Variants in HTR1F observed in about 807,000 individuals in gnomAD.
HTR1F encodes the protein 5-hydroxytryptamine receptor 1F, also known as 5-hydroxytryptamine (serotonin) receptor 1F, G protein-coupled.
HTR1F carries 17 observed loss-of-function variants against 24.0 expected under a neutral mutation model. That is an observed-to-expected ratio of 0.71 (90% CI 0.48 to 1.06). The LOEUF is 1.06. Ranked by LOEUF, HTR1F falls within the 50% of genes least tolerant of loss-of-function variation. HTR1F has a pLI of 0.00. For missense variants in HTR1F, 391 were observed against 427.8 expected (o/e 0.91, Z 0.76); for synonymous variants, 186 against 156.8 (o/e 1.19, Z -1.39).
At position 87,986,043 on chromosome 3, in the gene HTR1F, A is replaced by T. The variant is rs182463686; in HGVS notation, c.-42-4665A>T. Among the ~76,000 whole-genome samples the T allele has an allele frequency of 1.6e-3, 248 of 152,230 alleles. No homozygotes were observed. The South Asian group carries it at 0.017, about 11-fold the overall frequency. On this transcript the variant is annotated intron_variant, in intron 2 of 2. Coordinates refer to ENST00000319595, the MANE Select transcript of HTR1F (RefSeq NM_001322209.2). ...AGGCTCTACTTACAGACTAATCTTG[A>T]TTTTTTTCCCAGTGAAGACATTCAA... is the stretch of plus-strand genomic sequence containing the variant.
chr3:87,797,321 T>C (rs1703921448), intron 1 of HTR1F, among the ~76,000 whole-genome samples: 1 of 152,204 alleles, frequency 6.6e-6, no homozygotes, highest in Non-Finnish European at 1.5e-5. Flanking sequence ...TGTATGTACA[T>C]TCAATGGAAT....
chr3:87,862,709 T>C (rs1176480326), intron 2 of HTR1F, among the ~76,000 whole-genome samples: 3 of 152,200 alleles, frequency 2.0e-5, no homozygotes, highest in Non-Finnish European at 4.4e-5. Context: ...CTGCAATCAT[T>C]GAAATTGTGT....
At chr3:87,929,959 A>T (rs1274764528) in intron 2 of HTR1F, among the ~76,000 whole-genome samples, 5 of 152,090 alleles carry the variant, frequency 3.3e-5, no homozygotes, top group Non-Finnish European at 7.4e-5. Flanking sequence ...ATTTGTTTCT[A>T]TCGTCTCTGA....
At chr3:87,884,625 C>T (rs570884084) in intron 2 of HTR1F, among the ~76,000 whole-genome samples, 4 of 152,184 alleles carry the variant, frequency 2.6e-5, no homozygotes, top group African/African-American at 9.6e-5. Flanking sequence ...CAGAGACACA[C>T]ATAGGCTCAA....
chr3:87,853,712 G>T (rs1705138529), intron 2 of HTR1F, among the ~76,000 whole-genome samples: 1 of 151,838 alleles, frequency 6.6e-6, no homozygotes, highest in Non-Finnish European at 1.5e-5. Flanking sequence ...CCTCTGCAAC[G>T]TTGCCAACAT....
At chr3:87,967,718 C>G (rs751548028) in intron 2 of HTR1F, among the ~76,000 whole-genome samples, 4 of 152,144 alleles carry the variant, frequency 2.6e-5, no homozygotes, top group Non-Finnish European at 5.9e-5. Context: ...GGAAGACATG[C>G]CTTTCACCTT....
chr3:87,870,950 C>A, intron 2 of HTR1F, among the ~76,000 whole-genome samples: 1 of 149,194 alleles, frequency 6.7e-6, no homozygotes. Flanking sequence ...TCCATGAAGA[C>A]TGGGAGAGAT....
chr3:87,887,296 C>T (rs1214217449), intron 2 of HTR1F, among the ~76,000 whole-genome samples: 2 of 152,066 alleles, frequency 1.3e-5, no homozygotes, highest in African/African-American at 2.4e-5. Context: ...AACTGGATCC[C>T]TTCCTTACAC....
rs1243093617 is a variant in HTR1F at position 87,915,064 on chromosome 3, G to C, written c.-42-75644G>C. ...AACCCCCAGTACCAGCCCAGAGGCA[G>C]GTAAATTTGGTGGGTGGTTAGATCC... On this transcript the variant is annotated intron_variant, in intron 2 of 2. Transcript: ENST00000319595. 2.6e-5 allele frequency among the ~76,000 whole-genome samples: 4 copies of C among 152,126 alleles called. No individual in the cohort carries two copies. In the East Asian group the frequency reaches 7.7e-4, roughly 29 times the overall value.
chr3:87,926,126 C>T (rs548429296), intron 2 of HTR1F, among the ~76,000 whole-genome samples: 5 of 152,230 alleles, frequency 3.3e-5, no homozygotes, highest in Admixed American at 6.5e-5. Context: ...ATTGTATTTA[C>T]GTATTCACAT....
At chr3:87,871,212 A>G (rs1705548266) in intron 2 of HTR1F, among the ~76,000 whole-genome samples, 1 of 152,076 alleles carries the variant, frequency 6.6e-6, no homozygotes, top group Admixed American at 6.6e-5. Flanking sequence ...AGAGATAGAA[A>G]CTATTAAAAA....
chr3:87,992,083 G>A lies in HTR1F; in HGVS notation c.*233G>A, dbSNP rs551824813. On this transcript the variant is annotated 3_prime_UTR_variant, in exon 3 of 3. Transcript: ENST00000319595. The stretch of plus-strand genomic sequence containing the variant: ...TTATGTAGGTTATAAACAATATTTT[G>A]CCTATGCAATGTTCCTAAAAAGCTA... 3.8e-5 allele frequency: 11 copies of A among 286,740 alleles called. No individual in the cohort carries two copies. The highest frequency in any genetic ancestry group is 7.4e-5 in the Non-Finnish European group (11 of 147,670). 17.8% of individuals were successfully genotyped at this position (286,740 alleles called of 1,614,324 possible).
At chr3:87,949,082 T>C (rs1704777388) in intron 2 of HTR1F, among the ~76,000 whole-genome samples, 1 of 152,156 alleles carries the variant, frequency 6.6e-6, no homozygotes, top group East Asian at 1.9e-4. Context: ...TAAAAAAAAG[T>C]CTCAAACTAG....
intron 1 of HTR1F, among the ~76,000 whole-genome samples, chr3:87,798,191 G>A (rs1703935919): frequency 6.6e-6 from 1 of 152,024 alleles, no homozygotes; most frequent in Non-Finnish European, 1.5e-5. Context: ...AACTAACACT[G>A]TCTCTGCCCC....
At chr3:87,926,815 C>T (rs1704136766) in intron 2 of HTR1F, among the ~76,000 whole-genome samples, 1 of 152,104 alleles carries the variant, frequency 6.6e-6, no homozygotes, top group Admixed American at 6.6e-5. Context: ...GCTACCCACA[C>T]ATGTTCAGCA....
intron 2 of HTR1F, among the ~76,000 whole-genome samples, chr3:87,915,648 C>T (rs1237832231): frequency 3.3e-5 from 5 of 151,970 alleles, no homozygotes; most frequent in African/African-American, 1.2e-4. Flanking sequence ...ACCAATCCAA[C>T]AAAGACAAAG....
intron 2 of HTR1F, among the ~76,000 whole-genome samples, chr3:87,945,200 A>G (rs1010802530): frequency 2.0e-5 from 3 of 151,822 alleles, no homozygotes; most frequent in Admixed American, 1.3e-4. Flanking sequence ...ATGGTGGGGA[A>G]CGGGTCCCAC....
chr3:87,831,922 A>G (rs541182419), intron 2 of HTR1F, among the ~76,000 whole-genome samples: 1 of 152,348 alleles, frequency 6.6e-6, no homozygotes, highest in South Asian at 2.1e-4. Flanking sequence ...TGTAATCTTC[A>G]CAACTGCATG....
At chr3:87,935,184 CA>C (rs1423343451) in intron 2 of HTR1F, among the ~76,000 whole-genome samples, 2 of 152,094 alleles carry the variant, frequency 1.3e-5, no homozygotes, top group African/African-American at 2.4e-5. Flanking sequence ...GGTTACTTCA[CA>C]AAAGCTGGAC....
Sources: allele counts gnomAD v4.1 joint callset (sites outside exome capture counted in the v4.1 genomes callset), GRCh38; gene constraint gnomAD v4.1.1; transcripts MANE v1.5; gene names NCBI Gene and HGNC (gene_info 2026-07-23, HGNC 2026-07-21).